Variants in RALGPS2 observed in about 807,000 individuals in gnomAD.
RALGPS2 encodes Ral GEF with PH domain and SH3 binding motif 2.
In RALGPS2, 43 loss-of-function variants were observed where a neutral mutation model predicts 86.8. That is an observed-to-expected ratio of 0.50 (90% CI 0.39 to 0.64). The LOEUF is 0.64. Ranked by LOEUF, RALGPS2 falls within the 30% of genes least tolerant of loss-of-function variation. RALGPS2 has a pLI of 0.00. For synonymous variants in RALGPS2, 243 were observed against 231.3 expected, an observed-to-expected ratio of 1.05 and a Z score of -0.46; for missense variants, 536 against 694.6, an observed-to-expected ratio of 0.77 and a Z score of 2.57.
rs769827615 is a variant in RALGPS2, at chr1:178,892,329, G to A, written c.1325+22G>A. ...GCAGGTACAATTCCCCTGCATTCAG[G>A]GGTCACAGAACTCCCTTATGGTGTT... On this transcript the variant is annotated intron_variant, in intron 15 of 19. Transcript: ENST00000367635. 3 of 1,603,674 alleles carry A rather than the reference G, an allele frequency of 1.9e-6. No homozygotes were observed. In the East Asian group the frequency reaches 6.7e-5, roughly 36 times the overall value.
intron 7 of RALGPS2, among the ~76,000 whole-genome samples, chr1:178,832,852 A>G (rs1217960073): frequency 1.3e-5 from 2 of 151,784 alleles, no homozygotes; most frequent in Non-Finnish European, 2.9e-5. Context: ...CTGCCTCTCA[A>G]GTGTCTTACA....
At chr1:178,825,365 G>A (rs1375045773) in intron 7 of RALGPS2, among the ~76,000 whole-genome samples, 5 of 152,112 alleles carry the variant, frequency 3.3e-5, no homozygotes, top group Non-Finnish European at 7.4e-5. Flanking sequence ...CAGTGAAAAG[G>A]TAGGCTGGTC....
intron 6 of RALGPS2, among the ~76,000 whole-genome samples, 187 bp downstream of exon 6, chr1:178,811,591 A>G (rs998753998): frequency 6.6e-6 from 1 of 152,074 alleles, no homozygotes; most frequent in Non-Finnish European, 1.5e-5. Context: ...CTGTTTTCCT[A>G]CCTTTTCTTT....
chr1:178,834,550 A>C (rs1040060893), intron 8 of RALGPS2, among the ~76,000 whole-genome samples: 3 of 152,180 alleles, frequency 2.0e-5, no homozygotes, highest in African/African-American at 7.2e-5. Flanking sequence ...CTAGGATTGC[A>C]GAGAATGGGG....
intron 19 of RALGPS2, among the ~76,000 whole-genome samples, chr1:178,910,162 C>T (rs2102417851): frequency 1.3e-5 from 2 of 152,230 alleles, no homozygotes; most frequent in East Asian, 3.9e-4. Context: ...AGCTTTGGGT[C>T]AGAGACTATG....
chr1:178,840,337 A>T lies in RALGPS2; in HGVS notation c.607+6787A>T, dbSNP rs370301733. 7.4e-4 allele frequency among the ~76,000 whole-genome samples: 112 copies of T among 152,360 alleles called. 1 individual carries two copies. The South Asian group carries it at 0.021, about 28-fold the overall frequency. On this transcript the variant is annotated intron_variant, in intron 8 of 19. Transcript: ENST00000367635. ...CAGTGCAATCAAACTAGAACTCAGG[A>T]TTAAGAAACTCACTCAAAATCGCTC...
intron 4 of RALGPS2, among the ~76,000 whole-genome samples, chr1:178,807,287 A>G (rs769086395): frequency 5.3e-5 from 8 of 152,150 alleles, no homozygotes; most frequent in Non-Finnish European, 1.0e-4. Context: ...GCGAACTATG[A>G]CCCTACCAGT....
At chr1:178,851,461 C>A in intron 8 of RALGPS2, 1 of 664,438 alleles carries the variant, frequency 1.5e-6, no homozygotes, top group Non-Finnish European at 2.3e-6. Flanking sequence ...AATGCCTTCA[C>A]TTACTTGATG....
chr1:178,838,984 C>T (rs1002447809), intron 8 of RALGPS2, among the ~76,000 whole-genome samples: 6 of 152,136 alleles, frequency 3.9e-5, no homozygotes, highest in Admixed American at 2.6e-4. Flanking sequence ...AAGAAACGAA[C>T]AAAGCCTCCA....
At chr1:178,864,191 G>A (rs1266099881) in intron 8 of RALGPS2, among the ~76,000 whole-genome samples, 1 of 152,072 alleles carries the variant, frequency 6.6e-6, no homozygotes, top group African/African-American at 2.4e-5. Context: ...TGGACACCTA[G>A]ATCAGTGACT....
At chr1:178,902,270 G>C in intron 18 of RALGPS2, 59 bp downstream of exon 18, 1 of 1,313,104 alleles carries the variant, frequency 7.6e-7, no homozygotes, top group South Asian at 1.2e-5. Flanking sequence ...GTATATGTAT[G>C]TATGTATGTG....
At chr1:178,728,518 ATATT>A (rs1428787188) in intron 1 of RALGPS2, among the ~76,000 whole-genome samples, 1 of 151,216 alleles carries the variant, frequency 6.6e-6, no homozygotes, top group Non-Finnish European at 1.5e-5. Context: ...TGAATATGAG[ATATT>A]TATTGTGTAA....
At chr1:178,902,728 A>G (rs912398208) in intron 18 of RALGPS2, among the ~76,000 whole-genome samples, 1 of 152,130 alleles carries the variant, frequency 6.6e-6, no homozygotes, top group Non-Finnish European at 1.5e-5. Flanking sequence ...TTATCCACAC[A>G]GATCTAGAGA....
intron 19 of RALGPS2, among the ~76,000 whole-genome samples, chr1:178,913,705 G>A (rs1338172770): frequency 1.3e-5 from 2 of 152,114 alleles, no homozygotes; most frequent in Non-Finnish European, 2.9e-5. Context: ...TATAAGTTGG[G>A]TATAGTCAAT....
At chr1:178,837,698 G>A (rs921672203) in intron 8 of RALGPS2, among the ~76,000 whole-genome samples, 7 of 73,904 alleles carry the variant, frequency 9.5e-5, no homozygotes, top group Admixed American at 1.6e-4. Flanking sequence ...AGGACAGTGG[G>A]TGCAGCCCAC....
intron 6 of RALGPS2, among the ~76,000 whole-genome samples, chr1:178,821,276 G>GTAT (rs1232431800): frequency 6.6e-6 from 1 of 152,178 alleles, no homozygotes. Flanking sequence ...TAATAGTTCA[G>GTAT]TATAAGGGAG....
chr1:178,852,460 T>C (rs1657236807), intron 8 of RALGPS2, among the ~76,000 whole-genome samples: 1 of 152,186 alleles, frequency 6.6e-6, no homozygotes, highest in Non-Finnish European at 1.5e-5. Context: ...TTTTGCTTTG[T>C]GTTTTTTTCC....
At chr1:178,745,935 C>T (rs932924301) in intron 1 of RALGPS2, among the ~76,000 whole-genome samples, 4 of 150,582 alleles carry the variant, frequency 2.7e-5, no homozygotes, top group South Asian at 2.1e-4. Context: ...AATTCTCCTG[C>T]CTCAGCCTCC....
At chr1:178,904,159 A>C (rs542463870) in intron 18 of RALGPS2, among the ~76,000 whole-genome samples, 1 of 151,776 alleles carries the variant, frequency 6.6e-6, no homozygotes, top group African/African-American at 2.4e-5. Flanking sequence ...TTCTTTTGAG[A>C]ATTGTCTATT....
Sources: allele counts gnomAD v4.1 joint callset (sites outside exome capture counted in the v4.1 genomes callset), GRCh38; gene constraint gnomAD v4.1.1; transcripts MANE v1.5; gene names NCBI Gene and HGNC (gene_info 2026-07-23, HGNC 2026-07-21).